Variants in RNASE10 observed in about 807,000 individuals in gnomAD.
RNASE10 encodes inactive ribonuclease-like protein 10.
In RNASE10, 2 loss-of-function variants were observed where a neutral mutation model predicts 1.1. That is an observed-to-expected ratio of 1.82 (90% CI 0.74 to 5.73). The LOEUF (loss-of-function observed/expected upper bound fraction) is 5.73, where lower values mean the gene tolerates loss of function less well. RNASE10 is among the 30% of genes most tolerant of loss of function. RNASE10 has a pLI of 0.05. For missense variants in RNASE10, 276 were observed against 263.4 expected (o/e 1.05, Z -0.33); for synonymous variants, 97 against 96.2 (o/e 1.01, Z -0.05).
Position 20,506,428 on chromosome 14 carries a change from C to T in RNASE10, c.79+409C>T, listed in dbSNP as rs1462887853. On this transcript the variant is annotated intron_variant, in intron 1 of 1. Coordinates refer to ENST00000430083, the Ensembl canonical transcript of RNASE10. The stretch of plus-strand genomic sequence containing the variant: ...CCTCTGCCCGGCCAGCCGTCCCGTC[C>T]GGGAGGGGGGAGGGGGGGTCAGCCC... Among the ~76,000 whole-genome samples the T allele has an allele frequency of 1.8e-3, 238 of 128,744 alleles. 1 individual carries two copies. The highest frequency in any genetic ancestry group is 5.0e-3 in the African/African-American group (161 of 32,328). The allele number at this position is 128,744 out of a possible 152,430, so 84.5% of individuals were successfully genotyped here.
intron 1 of RNASE10, among the ~76,000 whole-genome samples, chr14:20,507,874 G>A (rs779676444): frequency 9.3e-4 from 142 of 151,906 alleles, no homozygotes; most frequent in Middle Eastern, 3.4e-3. Context: ...CAGCCTGCCT[G>A]GTAGCTGGAA....
upstream of RNASE10, among the ~76,000 whole-genome samples, chr14:20,505,263 TCCCTCTCCCTCTCCCTC>T (rs1882664617): frequency 1.2e-4 from 1 of 8,480 alleles, no homozygotes; most frequent in African/African-American, 1.0e-3. Context: ...GTGAGTTTGC[TCCCTCTCCCTCTCCCTC>T]TCCCTCTCCC....
chr14:20,506,762 T>TTG (rs1882740589), intron 1 of RNASE10, among the ~76,000 whole-genome samples: 1 of 7,586 alleles, frequency 1.3e-4, no homozygotes, highest in African/African-American at 6.2e-4. Context: ...GGGAGGGAGG[T>TTG]GGGGGGGGTC....
At chr14:20,513,502 T>A (rs939577561), downstream of RNASE10, among the ~76,000 whole-genome samples, 47 of 152,152 alleles carry the variant, frequency 3.1e-4, no homozygotes, top group African/African-American at 1.1e-3. Flanking sequence ...ATATGACAGA[T>A]CCCAGTCCCT....
At chr14:20,510,962 G>A (rs990849965) in exon 2 of RNASE10, 2 of 1,605,706 alleles carry the variant, frequency 1.2e-6, no homozygotes, top group African/African-American at 1.3e-5. Flanking sequence ...CTCAAGGGGG[G>A]AAAATGTCAC....
chr14:20,505,253 G>C (rs1057372459), upstream of RNASE10, among the ~76,000 whole-genome samples: 2 of 113,334 alleles, frequency 1.8e-5, no homozygotes, highest in Admixed American at 1.0e-4. Flanking sequence ...GGATGAAAAA[G>C]TGAGTTTGCT....
downstream of RNASE10, among the ~76,000 whole-genome samples, chr14:20,511,845 T>C (rs918889523): frequency 1.3e-5 from 2 of 152,216 alleles, no homozygotes; most frequent in African/African-American, 4.8e-5. Context: ...TTCTCCTTAC[T>C]TTCTCTGTTC....
In RNASE10 at chr14:20,509,370, G is replaced by C. The variant is rs145852758; in HGVS notation, c.80-1097G>C. The stretch of plus-strand genomic sequence containing the variant: ...GCCTCCTTAGAATCTTTATGAGTAG[G>C]GGAACCCCCAGCAGGTCAATTGTTT... On this transcript the variant is annotated intron_variant, in intron 1 of 1. Transcript: ENST00000430083. Among the ~76,000 whole-genome samples, 723 of 152,272 alleles carry C rather than the reference G, an allele frequency of 4.7e-3. 1 individual carries two copies. The highest frequency in any genetic ancestry group is 7.3e-3 in the Non-Finnish European group (495 of 68,022).
At chr14:20,511,020 A>C (rs1376510500) in exon 2 of RNASE10, 1 of 1,579,400 alleles carries the variant, frequency 6.3e-7, no homozygotes, top group Admixed American at 1.8e-5. Flanking sequence ...TGTCCCAACC[A>C]GACCAGGTCA....
chr14:20,511,277 A>G (rs2139372406), downstream of RNASE10: 2 of 549,824 alleles, frequency 3.6e-6, no homozygotes, highest in East Asian at 6.2e-5. Flanking sequence ...TCCTAGGATT[A>G]GAGATGGTAG....
At chr14:20,506,747 C>T (rs1338242853) in intron 1 of RNASE10, among the ~76,000 whole-genome samples, 4,469 of 111,220 alleles carry the variant, frequency 0.04, 5 homozygotes, top group Admixed American at 0.058. Context: ...CCAGCCGCCC[C>T]GTCCGGGAGG....
At chr14:20,505,059 A>T (rs894115669), upstream of RNASE10, among the ~76,000 whole-genome samples, 1 of 151,974 alleles carries the variant, frequency 6.6e-6, no homozygotes, top group Non-Finnish European at 1.5e-5. Flanking sequence ...CTGAATGTGA[A>T]TCCTGAAAGT....
rs549564714 is a variant in RNASE10 at position 20,508,847 on chromosome 14, T to A, written c.80-1620T>A. Among the ~76,000 whole-genome samples, 5 of 152,306 alleles carry A rather than the reference T, an allele frequency of 3.3e-5. No individual in the cohort carries two copies. The East Asian group carries it at 9.6e-4, about 29-fold the overall frequency. The stretch of plus-strand genomic sequence containing the variant: ...GTATGTATAGGAAGAGAACAGTACA[T>A]ATAGGGCCTTAGACATTCACTGGGG... On this transcript the variant is annotated intron_variant, in intron 1 of 1. Coordinates refer to ENST00000430083, the Ensembl canonical transcript of RNASE10.
chr14:20,511,110 A>G (rs759285314), exon 2 of RNASE10: 1 of 1,492,446 alleles, frequency 6.7e-7, no homozygotes, highest in Non-Finnish European at 8.9e-7. Flanking sequence ...GCCAGTTACC[A>G]ACTGGACAAT....
intron 1 of RNASE10, among the ~76,000 whole-genome samples, chr14:20,509,176 A>C (rs1882832681): frequency 6.6e-6 from 1 of 152,198 alleles, no homozygotes; most frequent in Non-Finnish European, 1.5e-5. Flanking sequence ...CAGCTTCCCC[A>C]GTGGCTGGGA....
chr14:20,512,051 G>T (rs890923076), downstream of RNASE10, among the ~76,000 whole-genome samples: 1 of 152,266 alleles, frequency 6.6e-6, no homozygotes, highest in East Asian at 1.9e-4. Flanking sequence ...GAAAAAGAGA[G>T]AGGAAAAGAG....
At chr14:20,508,019 G>C (rs1005274088) in intron 1 of RNASE10, among the ~76,000 whole-genome samples, 1 of 152,094 alleles carries the variant, frequency 6.6e-6, no homozygotes, top group Non-Finnish European at 1.5e-5. Context: ...CAAAGCACTG[G>C]AATTGCAGGC....
At chr14:20,507,122 G>A (rs1882762104) in intron 1 of RNASE10, among the ~76,000 whole-genome samples, 2 of 149,272 alleles carry the variant, frequency 1.3e-5, no homozygotes. Context: ...GTGCCCAGCG[G>A]CTCATTGGGG....
At chr14:20,507,779 C>T (rs1325111578) in intron 1 of RNASE10, among the ~76,000 whole-genome samples, 1 of 151,566 alleles carries the variant, frequency 6.6e-6, no homozygotes, top group Non-Finnish European at 1.5e-5. Context: ...TAGATTCTCA[C>T]TCCGGTTGCC....
Sources: allele counts gnomAD v4.1 joint callset (sites outside exome capture counted in the v4.1 genomes callset), GRCh38; gene constraint gnomAD v4.1.1; transcripts MANE v1.5; gene names NCBI Gene and HGNC (gene_info 2026-07-23, HGNC 2026-07-21).